SCRG1: variants seen among roughly 807,000 people sequenced by gnomAD.
SCRG1 encodes the protein scrapie-responsive protein 1.
SCRG1 carries 3 observed loss-of-function variants against 7.7 expected under a neutral mutation model. The ratio of observed to expected loss-of-function variants is 0.39; its 90% CI spans 0.18 to 1.01. SCRG1 has a LOEUF of 1.01. Among genes scored for constraint, SCRG1 ranks in the 50% least tolerant of loss-of-function variants. The pLI is 0.36. For synonymous variants in SCRG1, 46 were observed against 41.2 expected, an observed-to-expected ratio of 1.12 and a Z score of -0.44; for missense variants, 110 against 117.2, an observed-to-expected ratio of 0.94 and a Z score of 0.28.
At chr4:173,483,444 T>A in the SCRG1 span, among the ~76,000 whole-genome samples, 1 of 57,602 alleles carries the variant, frequency 1.7e-5, no homozygotes, top group African/African-American at 6.7e-5. Context: ...ATATTATATA[T>A]TATATCATGA....
At chr4:173,481,894 A>T in the SCRG1 span, among the ~76,000 whole-genome samples, 1 of 152,136 alleles carries the variant, frequency 6.6e-6, no homozygotes, top group Admixed American at 6.6e-5. Flanking sequence ...TGGGGAGTCG[A>T]AAGTTACACT....
At chr4:173,402,458 A>G (rs1048219449), upstream of SCRG1, among the ~76,000 whole-genome samples, 1 of 151,886 alleles carries the variant, frequency 6.6e-6, no homozygotes, top group African/African-American at 2.4e-5. Context: ...TCTTTTTAAA[A>G]AAAAAAAAAC....
the SCRG1 span, among the ~76,000 whole-genome samples, chr4:173,416,307 G>T: frequency 6.6e-6 from 1 of 152,262 alleles, no homozygotes; most frequent in Non-Finnish European, 1.5e-5. Context: ...TCAGACGCCT[G>T]TGCGCAGATC....
the SCRG1 span, among the ~76,000 whole-genome samples, chr4:173,458,041 G>A: frequency 1.3e-5 from 2 of 152,152 alleles, no homozygotes; most frequent in Non-Finnish European, 2.9e-5. Context: ...GGGCTTTGGT[G>A]GGCTATGAAT....
the SCRG1 span, among the ~76,000 whole-genome samples, chr4:173,440,120 C>T: frequency 2.1e-4 from 32 of 152,268 alleles, no homozygotes; most frequent in South Asian, 2.1e-4. Context: ...AAATGAGAAG[C>T]GCTACAGGTT....
At chr4:173,468,897 G>T in the SCRG1 span, 907 of 151,552 alleles carry the variant, frequency 6.0e-3, 8 homozygotes, top group Non-Finnish European at 8.8e-3. Flanking sequence ...GCGGCACCGT[G>T]CTTTGCTCAG....
chr4:173,487,316 T>A, the SCRG1 span, among the ~76,000 whole-genome samples: 1 of 152,290 alleles, frequency 6.6e-6, no homozygotes, highest in South Asian at 2.1e-4. Flanking sequence ...ACACAAGCAA[T>A]CTAGTTCTAG....
chr4:173,487,085 G>C, the SCRG1 span, among the ~76,000 whole-genome samples: 2 of 152,172 alleles, frequency 1.3e-5, no homozygotes, highest in East Asian at 1.9e-4. Flanking sequence ...GAGAGAGTCT[G>C]CTTTAATTAG....
chr4:173,419,850 G>A, the SCRG1 span: 14 of 1,281,190 alleles, frequency 1.1e-5, no homozygotes, highest in South Asian at 1.5e-4. Flanking sequence ...CTATTGAGAA[G>A]CCTGCGGGCC....
the SCRG1 span, among the ~76,000 whole-genome samples, chr4:173,462,376 C>T: frequency 6.6e-6 from 1 of 152,040 alleles, no homozygotes; most frequent in East Asian, 1.9e-4. Context: ...CAGTGGAGAC[C>T]TTACAAGCCA....
chr4:173,430,673 G>A, the SCRG1 span, among the ~76,000 whole-genome samples: 2 of 151,950 alleles, frequency 1.3e-5, no homozygotes, highest in South Asian at 4.2e-4. Context: ...CAGGTATGGT[G>A]GCATGCACCT....
At chr4:173,410,997 C>G (rs966863703), upstream of SCRG1, among the ~76,000 whole-genome samples, 2 of 152,168 alleles carry the variant, frequency 1.3e-5, no homozygotes, top group Admixed American at 6.5e-5. Flanking sequence ...TCTAGTGACT[C>G]TAACCCAAGA....
At chr4:173,484,703 T>TAATACATATTATATATTATATGCAC in the SCRG1 span, among the ~76,000 whole-genome samples, 1 of 94,916 alleles carries the variant, frequency 1.1e-5, no homozygotes, top group Non-Finnish European at 1.8e-5. Flanking sequence ...ATTATATGCA[T>TAATACATATTATATATTATATGCAC]ATAATACATA....
At chr4:173,487,978 G>A in the SCRG1 span, among the ~76,000 whole-genome samples, 2 of 151,980 alleles carry the variant, frequency 1.3e-5, no homozygotes, top group Non-Finnish European at 2.9e-5. Flanking sequence ...GCACGCACCT[G>A]TGGTCCCAGC....
At chr4:173,485,003 A>ATATAATATATAATATAT in the SCRG1 span, among the ~76,000 whole-genome samples, 2 of 2,854 alleles carry the variant, frequency 7.0e-4, no homozygotes, top group African/African-American at 1.8e-3. Flanking sequence ...AATATATTAT[A>ATATAATATATAATATAT]AATATAATAT....
chr4:173,489,874 G>T, the SCRG1 span, among the ~76,000 whole-genome samples: 1 of 152,110 alleles, frequency 6.6e-6, no homozygotes, highest in African/African-American at 2.4e-5. Context: ...TTGGTGTTTT[G>T]AATTGTTTAT....
At chr4:173,471,326 G>C in the SCRG1 span, among the ~76,000 whole-genome samples, 147,806 of 152,278 alleles carry the variant, frequency 0.97, 71,925 homozygotes, top group Non-Finnish European at 1. Context: ...TAGGCTTTTT[G>C]ATTATGGCCA....
chr4:173,492,320 G>A, the SCRG1 span, among the ~76,000 whole-genome samples: 1 of 152,100 alleles, frequency 6.6e-6, no homozygotes, highest in African/African-American at 2.4e-5. Flanking sequence ...GGCAGCATGA[G>A]AGCCATCCAG....
At chr4:173,510,535 G>T in the SCRG1 span, among the ~76,000 whole-genome samples, 8 of 152,220 alleles carry the variant, frequency 5.3e-5, no homozygotes, top group East Asian at 1.5e-3. This position sits in a 1 kb window ranked among gnomAD's most constrained non-coding sequence, Gnocchi z 5.7. Context: ...ATGGGACCTG[G>T]CGCCTTGCAG....
Sources: allele counts gnomAD v4.1 joint callset (sites outside exome capture counted in the v4.1 genomes callset), GRCh38; gene constraint gnomAD v4.1.1; non-coding constraint Gnocchi (gnomAD v3.1); transcripts MANE v1.5; gene names NCBI Gene and HGNC (gene_info 2026-07-23, HGNC 2026-07-21).